The following STRN3 variants were observed in gnomAD, a reference collection of about 807,000 sequenced individuals.
STRN3 encodes the protein striatin-3.
A neutral mutation model predicts 95.6 loss-of-function variants in STRN3; 29 were observed. That is an observed-to-expected ratio of 0.30 (90% CI 0.23 to 0.41). The LOEUF (loss-of-function observed/expected upper bound fraction) is 0.41. STRN3 is among the 10% of genes least tolerant of loss of function. The probability of loss-of-function intolerance (pLI) is 1.00; values close to 1 mark genes in which losing one functional copy is unlikely to be tolerated. For missense variants in STRN3, 890 were observed against 972.1 expected (o/e 0.92, Z 1.12); for synonymous variants, 331 against 357.6 (o/e 0.93, Z 0.84).
chr14:30,948,535 A>G (rs1378897833), intron 4 of STRN3, among the ~76,000 whole-genome samples: 1 of 152,218 alleles, frequency 6.6e-6, no homozygotes, highest in Non-Finnish European at 1.5e-5. Flanking sequence ...GAGTGCTGTC[A>G]TGGAAGCAAA....
At chr14:30,939,472 A>G (rs1878988324) in intron 5 of STRN3, among the ~76,000 whole-genome samples, 1 of 152,176 alleles carries the variant, frequency 6.6e-6, no homozygotes, top group Non-Finnish European at 1.5e-5. Context: ...GGAATCAGCC[A>G]GTGAAGAAAA....
intron 1 of STRN3, among the ~76,000 whole-genome samples, chr14:30,962,997 T>C (rs902709210): frequency 6.6e-6 from 1 of 152,220 alleles, no homozygotes; most frequent in Non-Finnish European, 1.5e-5. Flanking sequence ...ATCTAGTTTG[T>C]GTAAGCATAC....
At chr14:31,017,237 C>T (rs1413867666) in intron 1 of STRN3, among the ~76,000 whole-genome samples, 2 of 152,056 alleles carry the variant, frequency 1.3e-5, no homozygotes, top group Admixed American at 6.6e-5. Flanking sequence ...CAGTGGCTCA[C>T]GCCTGTAATC....
Position 30,923,804 on chromosome 14 carries a change from A to G in STRN3, c.1100-4698T>C, listed in dbSNP as rs535118881. 3.6e-4 allele frequency among the ~76,000 whole-genome samples: 55 copies of G among 152,294 alleles called. 1 individual carries two copies. In the South Asian group the frequency reaches 0.011, roughly 30 times the overall value. ...ATTGTCCATGTTGAAAAAGAGTAAC[A>G]AATATCAAAGAAAGTCTTAAAAGAT... is the stretch of plus-strand genomic sequence containing the variant. On this transcript the variant is annotated intron_variant, in intron 8 of 17. Coordinates refer to ENST00000357479, the MANE Select transcript of STRN3 (RefSeq NM_001083893.2).
intron 1 of STRN3, among the ~76,000 whole-genome samples, chr14:30,981,884 C>G (rs1881420579): frequency 6.6e-6 from 1 of 152,026 alleles, no homozygotes; most frequent in Admixed American, 6.6e-5. Context: ...CACTTGCAGT[C>G]AGGAGTTCGA....
chr14:30,921,268 TTA>T (rs537900176), intron 8 of STRN3, among the ~76,000 whole-genome samples: 204 of 152,314 alleles, frequency 1.3e-3, no homozygotes, highest in African/African-American at 4.6e-3. Flanking sequence ...AATAATTTAA[TTA>T]TATGATAGTT....
At chr14:30,957,288 C>A (rs563316805) in intron 1 of STRN3, among the ~76,000 whole-genome samples, 12 of 152,082 alleles carry the variant, frequency 7.9e-5, no homozygotes, top group Admixed American at 7.2e-4. Flanking sequence ...CCCGTCTCTA[C>A]TAAAAAATAC....
intron 13 of STRN3, among the ~76,000 whole-genome samples, chr14:30,910,167 AT>A (rs1566429905): frequency 6.6e-6 from 1 of 152,178 alleles, no homozygotes; most frequent in African/African-American, 2.4e-5. Flanking sequence ...GTTTCCTCTT[AT>A]CCTTCAGATT....
chr14:30,925,385 C>A lies in STRN3; in HGVS notation c.1099+3816G>T, dbSNP rs533843572. On this transcript the variant is annotated intron_variant, in intron 8 of 17. Transcript: ENST00000357479. Reference sequence around the variant, plus strand: ...AGAAGTCAGTATTCTTGCCATTTTTCTCTTTCCCTTCCAAAAAAAAAGAAA... The same window carrying A: ...AGAAGTCAGTATTCTTGCCATTTTTATCTTTCCCTTCCAAAAAAAAAGAAA... Among the ~76,000 whole-genome samples the A allele has an allele frequency of 3.0e-4, 45 of 152,076 alleles. No individual in the cohort carries two copies. The East Asian group carries it at 7.7e-3, about 26-fold the overall frequency.
intron 1 of STRN3, among the ~76,000 whole-genome samples, chr14:30,977,629 C>CAA (rs558862269): frequency 8.3e-5 from 11 of 132,414 alleles, no homozygotes; most frequent in East Asian, 4.4e-4. Flanking sequence ...ACTAAAAATA[C>CAA]AAAAAAAAAA....
intron 10 of STRN3, among the ~76,000 whole-genome samples, chr14:30,912,823 T>G (rs567131455): frequency 1.3e-5 from 2 of 152,064 alleles, no homozygotes; most frequent in Non-Finnish European, 2.9e-5. Flanking sequence ...ATGAGAATAA[T>G]CCAGCCCACC....
chr14:30,935,598 C>G (rs1255734295), intron 6 of STRN3, among the ~76,000 whole-genome samples: 1 of 152,144 alleles, frequency 6.6e-6, no homozygotes, highest in Admixed American at 6.5e-5. Flanking sequence ...ATTAAAGAAC[C>G]AGTCACTTAT....
At chr14:30,903,246 C>T (rs1490701051) in intron 15 of STRN3, among the ~76,000 whole-genome samples, 2 of 151,872 alleles carry the variant, frequency 1.3e-5, no homozygotes, top group Non-Finnish European at 2.9e-5. Context: ...TCATATATTA[C>T]ACCTAAACAT....
At chr14:30,946,093 A>C (rs1231571504) in intron 5 of STRN3, among the ~76,000 whole-genome samples, 2 of 152,216 alleles carry the variant, frequency 1.3e-5, no homozygotes, top group Non-Finnish European at 2.9e-5. Flanking sequence ...GGGTCTAAAT[A>C]ACCATTGCTC....
At chr14:30,899,195 C>G (rs1424182824) in intron 16 of STRN3, among the ~76,000 whole-genome samples, 2 of 152,182 alleles carry the variant, frequency 1.3e-5, no homozygotes, top group South Asian at 4.1e-4. Flanking sequence ...ACAGCTGATA[C>G]AAGATCTTCC....
intron 4 of STRN3, among the ~76,000 whole-genome samples, chr14:30,948,184 T>A (rs183268597): frequency 1.2e-4 from 18 of 152,312 alleles, no homozygotes; most frequent in Non-Finnish European, 2.6e-4. Context: ...GGTTACATGA[T>A]GGGTACATTC....
intron 8 of STRN3, among the ~76,000 whole-genome samples, chr14:30,923,851 C>G (rs10138011): frequency 0.41 from 63,007 of 151,840 alleles, 13,250 homozygotes; most frequent in East Asian, 0.46. Flanking sequence ...CTCTCATATT[C>G]TAACTAAAGC....
intron 4 of STRN3, among the ~76,000 whole-genome samples, chr14:30,950,068 C>T (rs1279428104): frequency 1.3e-5 from 2 of 151,544 alleles, no homozygotes; most frequent in African/African-American, 2.4e-5. Flanking sequence ...TAAGGGTGAT[C>T]AATTATGGAG....
intron 13 of STRN3, among the ~76,000 whole-genome samples, chr14:30,910,349 G>A (rs1223756703): frequency 6.6e-6 from 1 of 152,144 alleles, no homozygotes; most frequent in Non-Finnish European, 1.5e-5. Flanking sequence ...CTTTCCATTA[G>A]TCTAAATCTT....
Sources: allele counts gnomAD v4.1 joint callset (sites outside exome capture counted in the v4.1 genomes callset), GRCh38; gene constraint gnomAD v4.1.1; transcripts MANE v1.5; gene names NCBI Gene and HGNC (gene_info 2026-07-23, HGNC 2026-07-21).